The following GALNT18 variants were observed in gnomAD, a reference collection of about 807,000 sequenced individuals.
The protein encoded by GALNT18 is polypeptide N-acetylgalactosaminyltransferase 18, also known as GalNAc-transferase 18.
Under a neutral mutation model 69.5 loss-of-function variants are expected in GALNT18, and 44 were observed. That is an observed-to-expected ratio of 0.63 (90% CI 0.50 to 0.81). The LOEUF is 0.81. GALNT18 is among the 40% of genes least tolerant of loss of function. The probability of loss-of-function intolerance (pLI) is 0.00; values close to 1 mark genes in which losing one functional copy is unlikely to be tolerated. For missense variants in GALNT18, 715 were observed against 810.0 expected (o/e 0.88, Z 1.42); for synonymous variants, 364 against 318.2 (o/e 1.14, Z -1.53).
At chr11:11,508,784 C>G (rs1181562433) in intron 1 of GALNT18, among the ~76,000 whole-genome samples, 3 of 152,160 alleles carry the variant, frequency 2.0e-5, no homozygotes, top group African/African-American at 7.2e-5. Flanking sequence ...TGCATTCCAC[C>G]AAAGCACAGT....
intron 1 of GALNT18, among the ~76,000 whole-genome samples, chr11:11,491,968 A>G (rs1856779862): frequency 6.6e-6 from 1 of 152,234 alleles, no homozygotes; most frequent in Admixed American, 6.5e-5. Context: ...TCTCATAGAA[A>G]GGAAGAGTAC....
intron 1 of GALNT18, among the ~76,000 whole-genome samples, chr11:11,503,697 G>A (rs992088436): frequency 3.3e-5 from 5 of 152,248 alleles, no homozygotes; most frequent in African/African-American, 2.4e-5. Flanking sequence ...AGTATTCCCT[G>A]CGGATTATGA....
chr11:11,271,382 C>T, intron 10 of GALNT18, 92 bp from the exon 11 acceptor site: 3 of 1,356,120 alleles, frequency 2.2e-6, no homozygotes, highest in Non-Finnish European at 3.1e-6. Context: ...TGAGGGCTGA[C>T]ATTATCTGTG....
At chr11:11,362,220 A>G (rs1193902302) in intron 6 of GALNT18, among the ~76,000 whole-genome samples, 1 of 152,192 alleles carries the variant, frequency 6.6e-6, no homozygotes, top group Non-Finnish European at 1.5e-5. Context: ...ATAGTCATGT[A>G]AGTATTAGAA....
chr11:11,379,020 T>G, intron 4 of GALNT18, 61 bp downstream of exon 4: 1 of 1,416,180 alleles, frequency 7.1e-7, no homozygotes, highest in East Asian at 2.4e-5. Context: ...TGCTTTGCAC[T>G]ATTGGAGCTG....
chr11:11,608,281 G>T (rs1306719196), intron 1 of GALNT18, among the ~76,000 whole-genome samples: 1 of 152,152 alleles, frequency 6.6e-6, no homozygotes, highest in African/African-American at 2.4e-5. Context: ...GGGAATGAAG[G>T]AAGACTGAAA....
In GALNT18 at chr11:11,541,633, T is replaced by C. The variant is rs757886486; in HGVS notation, c.235+79726A>G. On this transcript the variant is annotated intron_variant, in intron 1 of 10. Transcript: ENST00000227756. The surrounding 1 kb of genome is among the most constrained non-coding windows in gnomAD (Gnocchi z 4.8). ...CCACAAATGCATCTCTGCCTTCAGA[T>C]CTGATATCCAAGGCTCCCTCTCAAG... Among the ~76,000 whole-genome samples the C allele has an allele frequency of 2.0e-5, 3 of 152,182 alleles. No individual in the cohort carries two copies.
At chr11:11,565,729 C>G (rs1858633539) in intron 1 of GALNT18, among the ~76,000 whole-genome samples, 1 of 152,182 alleles carries the variant, frequency 6.6e-6, no homozygotes, top group African/African-American at 2.4e-5. Context: ...GTGAGACTAA[C>G]AGAAAATAGA....
intron 2 of GALNT18, among the ~76,000 whole-genome samples, chr11:11,440,314 A>G (rs547195874): frequency 6.6e-6 from 1 of 152,352 alleles, no homozygotes; most frequent in Admixed American, 6.5e-5. Flanking sequence ...GGCTGAATGA[A>G]CAGCCACCCA....
intron 1 of GALNT18, among the ~76,000 whole-genome samples, chr11:11,498,856 C>A (rs775395347): frequency 2.6e-5 from 4 of 152,096 alleles, no homozygotes; most frequent in African/African-American, 4.8e-5. Context: ...ATGATGGTAG[C>A]AATGTAATTG....
intron 1 of GALNT18, among the ~76,000 whole-genome samples, chr11:11,521,313 A>T (rs1440964502): frequency 2.0e-5 from 3 of 152,050 alleles, no homozygotes; most frequent in African/African-American, 7.3e-5. Flanking sequence ...GAAAGGTAAA[A>T]CCTTGGAAAG....
intron 9 of GALNT18, among the ~76,000 whole-genome samples, chr11:11,311,829 A>G (rs71478963): frequency 1.3e-5 from 2 of 152,190 alleles, no homozygotes; most frequent in Non-Finnish European, 2.9e-5. Flanking sequence ...ATTAGCAATA[A>G]CAGTGATTAC....
chr11:11,343,428 C>A (rs1278889713), intron 6 of GALNT18, among the ~76,000 whole-genome samples: 2 of 152,090 alleles, frequency 1.3e-5, no homozygotes, highest in Non-Finnish European at 2.9e-5. Flanking sequence ...ATACTTAAGA[C>A]AAAAGGATCT....
At chr11:11,422,433 T>C (rs1268767183) in intron 3 of GALNT18, among the ~76,000 whole-genome samples, 1 of 152,200 alleles carries the variant, frequency 6.6e-6, no homozygotes. Context: ...GTTGCACTGG[T>C]CAAAGCCATA....
In GALNT18 at chr11:11,275,386, G is replaced by C. The variant is rs528037261; in HGVS notation, c.1678-4096C>G. Among the ~76,000 whole-genome samples, 3 of 152,296 alleles carry C rather than the reference G, an allele frequency of 2.0e-5. No homozygotes were observed. The South Asian group carries it at 6.2e-4, about 32-fold the overall frequency. ...TATCCTTTACCCACTTTTAGATGGG[G>C]TTGTTTGTTTCTTGTAAATTTGTTT... On this transcript the variant is annotated intron_variant, in intron 10 of 10. Transcript: ENST00000227756.
intron 10 of GALNT18, among the ~76,000 whole-genome samples, chr11:11,272,983 T>C (rs1437487237): frequency 6.7e-6 from 1 of 150,094 alleles, no homozygotes; most frequent in Non-Finnish European, 1.5e-5. Flanking sequence ...CCTGAGAAAA[T>C]GCAAAAGAAT....
intron 2 of GALNT18, among the ~76,000 whole-genome samples, chr11:11,446,436 C>G (rs923585789): frequency 6.6e-6 from 1 of 152,176 alleles, no homozygotes; most frequent in Admixed American, 6.5e-5. Flanking sequence ...TGGCCAAGGT[C>G]ATGGCCAAGT....
At position 11,511,266 on chromosome 11, in the gene GALNT18, C is replaced by T. The variant is rs373148577; in HGVS notation, c.236-62330G>A. On this transcript the variant is annotated intron_variant, in intron 1 of 10. Coordinates refer to ENST00000227756, the MANE Select transcript of GALNT18 (RefSeq NM_198516.3). This position sits in a 1 kb window ranked among gnomAD's most constrained non-coding sequence, Gnocchi z 4.9. Reference sequence around the variant, plus strand: ...AGAATCTGCTGAAGACTGAAGGGACCGGCTGTCCAGCTTCACGCAGGGAGG... The same window carrying T: ...AGAATCTGCTGAAGACTGAAGGGACTGGCTGTCCAGCTTCACGCAGGGAGG... Among the ~76,000 whole-genome samples the T allele has an allele frequency of 2.0e-5, 3 of 152,162 alleles. No homozygotes were observed. The highest frequency in any genetic ancestry group is 2.0e-4 in the Admixed American group (3 of 15,278).
rs575195404 is a variant in GALNT18, at chr11:11,606,398, A to C, written c.235+14961T>G. 9.9e-4 allele frequency among the ~76,000 whole-genome samples: 151 copies of C among 152,310 alleles called. 1 individual carries two copies. Among genetic ancestry groups the C allele is most frequent in the Non-Finnish European group, 1.8e-3 (123 of 68,016 alleles). ...GCTAATTATCTCACAGCCTTATTTT[A>C]AGGATTAAATAATATGAAGTGGATT... On this transcript the variant is annotated intron_variant, in intron 1 of 10. Transcript: ENST00000227756. The surrounding 1 kb of genome is among the most constrained non-coding windows in gnomAD (Gnocchi z 5.4).
Sources: allele counts gnomAD v4.1 joint callset (sites outside exome capture counted in the v4.1 genomes callset), GRCh38; gene constraint gnomAD v4.1.1; non-coding constraint Gnocchi (gnomAD v3.1); transcripts MANE v1.5; gene names NCBI Gene and HGNC (gene_info 2026-07-23, HGNC 2026-07-21).